PDLIM5: variants seen among roughly 807,000 people sequenced by gnomAD.
PDLIM5 encodes PDZ and LIM domain protein 5.
A neutral mutation model predicts 64.2 loss-of-function variants in PDLIM5; 34 were observed. The observed-to-expected ratio is 0.53, with a 90% CI of 0.40 to 0.71. The LOEUF is 0.71. Among genes scored for constraint, PDLIM5 ranks in the 30% least tolerant of loss-of-function variants. The pLI is 0.00. For synonymous variants in PDLIM5, 253 were observed against 269.1 expected (o/e 0.94, Z 0.59); for missense variants, 683 against 733.6 (o/e 0.93, Z 0.80).
At chr4:94,479,697 A>G (rs1177702735) in intron 2 of PDLIM5, among the ~76,000 whole-genome samples, 3 of 152,176 alleles carry the variant, frequency 2.0e-5, no homozygotes, top group Admixed American at 2.0e-4. Flanking sequence ...TTCTTAGATT[A>G]TTCCATTTTA....
intron 2 of PDLIM5, among the ~76,000 whole-genome samples, chr4:94,485,359 T>G (rs1468149340): frequency 6.6e-6 from 1 of 152,234 alleles, no homozygotes; most frequent in Non-Finnish European, 1.5e-5. Context: ...CTGACTACAG[T>G]ATGTCTCCCT....
At chr4:94,652,300 A>G (rs1014718052) in intron 9 of PDLIM5, among the ~76,000 whole-genome samples, 3 of 152,190 alleles carry the variant, frequency 2.0e-5, no homozygotes, top group African/African-American at 7.2e-5. Context: ...AACTCACCCT[A>G]GTAAATGGCT....
intron 2 of PDLIM5, among the ~76,000 whole-genome samples, chr4:94,509,871 C>G (rs10440326): frequency 0.14 from 21,275 of 151,724 alleles, 2,783 homozygotes; most frequent in African/African-American, 0.36. Context: ...AAGGCTGGGT[C>G]TGCCTTTCCC....
At chr4:94,561,541 T>C (rs1263487637) in intron 3 of PDLIM5, among the ~76,000 whole-genome samples, 1 of 150,510 alleles carries the variant, frequency 6.6e-6, no homozygotes, top group East Asian at 1.9e-4. Context: ...GCATGGAACA[T>C]GTGTTTTTTT....
intron 7 of PDLIM5, among the ~76,000 whole-genome samples, chr4:94,617,690 G>A (rs1352474827): frequency 6.6e-6 from 1 of 151,520 alleles, no homozygotes; most frequent in Non-Finnish European, 1.5e-5. Flanking sequence ...AGAGTAACTG[G>A]TAAGGGCTGA....
intron 2 of PDLIM5, among the ~76,000 whole-genome samples, chr4:94,509,713 T>A (rs1476389807): frequency 6.6e-6 from 1 of 152,142 alleles, no homozygotes; most frequent in Non-Finnish European, 1.5e-5. Context: ...ACTGAAGAAC[T>A]TGGAGTCCGA....
At chr4:94,552,917 A>C (rs1249594588) in intron 3 of PDLIM5, among the ~76,000 whole-genome samples, 3 of 152,140 alleles carry the variant, frequency 2.0e-5, no homozygotes, top group Admixed American at 1.3e-4. Context: ...TGACTTTGGT[A>C]GTCTAGGTTG....
In PDLIM5 at chr4:94,667,459, T is replaced by C. The variant is rs931763939; in HGVS notation, c.*3392T>C. 2 of 152,194 alleles carry C rather than the reference T, an allele frequency of 1.3e-5. No homozygotes were observed. The highest frequency in any genetic ancestry group is 2.9e-5 in the Non-Finnish European group (2 of 68,034). The allele number at this position is 152,194 out of a possible 1,614,324, so 9.4% of individuals were successfully genotyped here. The stretch of plus-strand genomic sequence containing the variant: ...TAGTATAACAACTATTTACAAAGCA[T>C]TTACATTGTATTAGCTATTATAGGT... On this transcript the variant is annotated 3_prime_UTR_variant, in exon 13 of 13. Transcript: ENST00000317968.
At chr4:94,516,514 C>G (rs1417433085) in intron 2 of PDLIM5, among the ~76,000 whole-genome samples, 2 of 96,920 alleles carry the variant, frequency 2.1e-5, no homozygotes, top group African/African-American at 2.9e-5. Context: ...AGCAGTCTCT[C>G]TCTCTCTCTC....
intron 3 of PDLIM5, among the ~76,000 whole-genome samples, chr4:94,547,370 C>T (rs1278803289): frequency 6.6e-6 from 1 of 152,066 alleles, no homozygotes; most frequent in Non-Finnish European, 1.5e-5. Context: ...CCTTGACTTG[C>T]ATTGTTTTTG....
At chr4:94,468,165 T>G (rs1414824683) in intron 2 of PDLIM5, among the ~76,000 whole-genome samples, 1 of 151,964 alleles carries the variant, frequency 6.6e-6, no homozygotes, top group Non-Finnish European at 1.5e-5. Context: ...TATGCACTTT[T>G]TTTTTTGGGA....
At chr4:94,525,296 G>A (rs191166417) in intron 3 of PDLIM5, among the ~76,000 whole-genome samples, 5 of 152,240 alleles carry the variant, frequency 3.3e-5, no homozygotes, top group Admixed American at 6.5e-5. Flanking sequence ...GTGCATGCCT[G>A]TAATCCTAGC....
At chr4:94,585,440 A>G in intron 5 of PDLIM5, 125 bp from the exon 6 acceptor site, 1 of 622,934 alleles carries the variant, frequency 1.6e-6, no homozygotes, top group Non-Finnish European at 2.4e-6. Context: ...CTTGCAAAGC[A>G]AACTGTTTAT....
chr4:94,662,541 A>G lies in PDLIM5; in HGVS notation c.1701+4A>G. ...TGACACTTGCTTTGTATGCTCAGTA[A>G]GTAGAGTCTTATTTCCTAATTAAAG... On this transcript the variant is annotated splice_donor_region_variant and intron_variant, in intron 12 of 12. Coordinates refer to ENST00000317968, the MANE Select transcript of PDLIM5 (RefSeq NM_006457.5). 2 of 1,417,102 alleles carry G rather than the reference A, an allele frequency of 1.4e-6. No individual in the cohort carries two copies. The highest frequency in any genetic ancestry group is 2.0e-6 in the Non-Finnish European group (2 of 1,000,244). The allele number at this position is 1,417,102 out of a possible 1,614,324, so 87.8% of individuals were successfully genotyped here.
intron 8 of PDLIM5, among the ~76,000 whole-genome samples, chr4:94,626,399 G>A (rs1293187850): frequency 6.6e-6 from 1 of 152,196 alleles, no homozygotes; most frequent in African/African-American, 2.4e-5. Flanking sequence ...TCTGAGAAAA[G>A]TCAAAAGAAT....
intron 5 of PDLIM5, chr4:94,585,048 A>G (rs754747081): frequency 2.9e-6 from 3 of 1,031,062 alleles, no homozygotes; most frequent in Non-Finnish European, 4.4e-6. Flanking sequence ...ATTTTATATT[A>G]ACATTATAAG....
At chr4:94,641,436 AATAT>A (rs1228842898) in intron 9 of PDLIM5, among the ~76,000 whole-genome samples, 3 of 152,222 alleles carry the variant, frequency 2.0e-5, no homozygotes, top group Non-Finnish European at 4.4e-5. Flanking sequence ...TTAATTGAAT[AATAT>A]ATGTGTCAAG....
intron 5 of PDLIM5, chr4:94,577,092 A>G (rs992187541): frequency 4.9e-6 from 2 of 411,162 alleles, no homozygotes; most frequent in African/African-American, 4.2e-5. Context: ...TTCAGGGATG[A>G]TACTTTAAGG....
chr4:94,601,823 G>C (rs1649063911), intron 7 of PDLIM5, among the ~76,000 whole-genome samples: 2 of 152,160 alleles, frequency 1.3e-5, no homozygotes, highest in African/African-American at 4.8e-5. Flanking sequence ...TTATGATTGA[G>C]AGTACCAGAA....
Sources: allele counts gnomAD v4.1 joint callset (sites outside exome capture counted in the v4.1 genomes callset), GRCh38; gene constraint gnomAD v4.1.1; transcripts MANE v1.5; gene names NCBI Gene and HGNC (gene_info 2026-07-23, HGNC 2026-07-21).